EGFLAM: variants seen among roughly 807,000 people sequenced by gnomAD.
The protein encoded by EGFLAM is pikachurin.
Under a neutral mutation model 113.1 loss-of-function variants are expected in EGFLAM, and 79 were observed. The observed-to-expected ratio is 0.70, with a 90% CI of 0.58 to 0.84. The LOEUF (loss-of-function observed/expected upper bound fraction) is 0.84, where lower values mean the gene tolerates loss of function less well. Among genes scored for constraint, EGFLAM ranks in the 40% least tolerant of loss-of-function variants. The pLI is 0.00. For synonymous variants in EGFLAM, 504 were observed against 487.6 expected (o/e 1.03, Z -0.44); for missense variants, 1,265 against 1,291.6 (o/e 0.98, Z 0.32).
In EGFLAM at chr5:38,418,191, G is replaced by A. The variant is rs1453294716; in HGVS notation, c.1620G>A (p.Val540=). ...AAGGCTGTGTGCAGTCGCTCGCTGTGAATGGGAGGAGAATTGACATGAGGC... is the reference window on the plus strand; with the variant it reads ...AAGGCTGTGTGCAGTCGCTCGCTGTAAATGGGAGGAGAATTGACATGAGGC... ...GFQGCVQSLA[V]NGRRIDMRPW... The change falls in exon 12 of 22, where the codon GTG becomes GTA. Residue 540 remains valine, a synonymous_variant. Coordinates refer to ENST00000322350, the MANE Select transcript of EGFLAM (RefSeq NM_152403.4). 6.2e-7 allele frequency: 1 copy of A among 1,614,140 alleles called. No individual in the cohort carries two copies. The highest frequency in any genetic ancestry group is 1.7e-5 in the Admixed American group (1 of 60,026).
At chr5:38,382,510 G>T (rs915285133) in intron 6 of EGFLAM, among the ~76,000 whole-genome samples, 1 of 152,000 alleles carries the variant, frequency 6.6e-6, no homozygotes. Context: ...AAGCAGAGTG[G>T]GCCAGCACCA....
At chr5:38,385,534 AT>A (rs1449822475) in intron 6 of EGFLAM, among the ~76,000 whole-genome samples, 1 of 151,932 alleles carries the variant, frequency 6.6e-6, no homozygotes, top group African/African-American at 2.4e-5. Flanking sequence ...AACCATCCAT[AT>A]TTTTTTCCAA....
At chr5:38,441,691 A>G (rs1742540142) in intron 17 of EGFLAM, among the ~76,000 whole-genome samples, 1 of 152,122 alleles carries the variant, frequency 6.6e-6, no homozygotes, top group Non-Finnish European at 1.5e-5. Context: ...CTGAGTAAAC[A>G]GACAATTCTC....
At chr5:38,347,290 T>C (rs1347827613) in intron 3 of EGFLAM, among the ~76,000 whole-genome samples, 1 of 152,236 alleles carries the variant, frequency 6.6e-6, no homozygotes, top group Non-Finnish European at 1.5e-5. Flanking sequence ...TCAAGAAGCA[T>C]TGCTTGAGCA....
intron 19 of EGFLAM, 63 bp from the exon 20 acceptor site, chr5:38,458,248 C>A: frequency 2.7e-6 from 4 of 1,462,020 alleles, no homozygotes; most frequent in South Asian, 2.6e-5. Context: ...GTCTGTGAAC[C>A]GTGTCTGCTT....
chr5:38,319,438 G>A (rs541630013), intron 1 of EGFLAM, among the ~76,000 whole-genome samples: 5 of 152,208 alleles, frequency 3.3e-5, no homozygotes, highest in Non-Finnish European at 5.9e-5. Context: ...TAGTCAATCA[G>A]GCAGCAAATA....
intron 1 of EGFLAM, among the ~76,000 whole-genome samples, chr5:38,267,555 G>A (rs1757662196): frequency 1.3e-5 from 2 of 152,222 alleles, no homozygotes; most frequent in Admixed American, 1.3e-4. Context: ...TATATTGTCT[G>A]TAATTTATTT....
chr5:38,406,371 G>C (rs1191490515), intron 7 of EGFLAM, 130 bp downstream of exon 7: 12 of 778,348 alleles, frequency 1.5e-5, no homozygotes, highest in Non-Finnish European at 2.5e-5. Context: ...ACACTGATTT[G>C]TTTTGTCTGA....
chr5:38,393,779 A>C, intron 6 of EGFLAM, among the ~76,000 whole-genome samples: 1 of 152,138 alleles, frequency 6.6e-6, no homozygotes, highest in African/African-American at 2.4e-5. Flanking sequence ...GCATGTTACC[A>C]CCAATGCTCT....
At chr5:38,265,295 C>A (rs1561254410) in intron 1 of EGFLAM, among the ~76,000 whole-genome samples, 1 of 152,192 alleles carries the variant, frequency 6.6e-6, no homozygotes, top group Non-Finnish European at 1.5e-5. Flanking sequence ...GACTCAGCAT[C>A]CGAGGCTGAG....
intron 1 of EGFLAM, among the ~76,000 whole-genome samples, chr5:38,324,259 G>T (rs1738820914): frequency 6.6e-6 from 1 of 152,116 alleles, no homozygotes; most frequent in Non-Finnish European, 1.5e-5. Context: ...CAGACCATGT[G>T]CTGTGACTTT....
chr5:38,334,569 CAT>C (rs1267764162), intron 1 of EGFLAM, among the ~76,000 whole-genome samples: 1 of 152,202 alleles, frequency 6.6e-6, no homozygotes, highest in South Asian at 2.1e-4. Context: ...TAGAGTTTAA[CAT>C]ATGAATTTTG....
Position 38,448,315 on chromosome 5 carries a change from A to G in EGFLAM, c.2479A>G (p.Ile827Val). Reference protein sequence around the residue: ...LHCQKAIIEAIEIPQFIGRSY... With the variant: ...LHCQKAIIEAVEIPQFIGRSY... Reference sequence around the variant, plus strand: ...TTCTGTCCCAGCGATCATAGAAGCCATTGAGATCCCGCAGTTTATCGGCCG... The same window carrying G: ...TTCTGTCCCAGCGATCATAGAAGCCGTTGAGATCCCGCAGTTTATCGGCCG... Residue 827 changes from isoleucine to valine, a missense_variant, in exon 18 of 22, where the codon ATT (isoleucine) becomes GTT (valine). Transcript: ENST00000322350. 2 of 1,614,194 alleles carry G rather than the reference A, an allele frequency of 1.2e-6. No homozygotes were observed. Among genetic ancestry groups the G allele is most frequent in the South Asian group, 2.2e-5 (2 of 91,082 alleles).
At chr5:38,384,994 C>A (rs1489143770) in intron 6 of EGFLAM, among the ~76,000 whole-genome samples, 1 of 151,982 alleles carries the variant, frequency 6.6e-6, no homozygotes, top group Non-Finnish European at 1.5e-5. Flanking sequence ...ACAGAACAGC[C>A]CCCTACAATG....
At chr5:38,368,018 G>A (rs1740108325) in intron 5 of EGFLAM, among the ~76,000 whole-genome samples, 1 of 152,156 alleles carries the variant, frequency 6.6e-6, no homozygotes, top group South Asian at 2.1e-4. Flanking sequence ...TTGTTTTGCT[G>A]TAGTTTTTAC....
At chr5:38,440,191 C>A (rs1329026014) in intron 17 of EGFLAM, among the ~76,000 whole-genome samples, 3 of 152,146 alleles carry the variant, frequency 2.0e-5, no homozygotes, top group Non-Finnish European at 4.4e-5. Flanking sequence ...GACTCTTTTC[C>A]TGCAAAGCAG....
intron 1 of EGFLAM, chr5:38,286,370 G>C (rs1191699761): frequency 6.6e-6 from 1 of 152,288 alleles, no homozygotes; most frequent in Non-Finnish European, 1.5e-5. Flanking sequence ...CTCTACAGAA[G>C]GAGGGTTGGA....
intron 11 of EGFLAM, among the ~76,000 whole-genome samples, chr5:38,416,909 T>C (rs960989101): frequency 6.6e-6 from 1 of 152,214 alleles, no homozygotes; most frequent in Non-Finnish European, 1.5e-5. Context: ...TCATTAGATT[T>C]TCCACTTGCT....
chr5:38,407,340 G>C (rs377425257), intron 8 of EGFLAM, among the ~76,000 whole-genome samples, 194 bp downstream of exon 8: 1 of 152,328 alleles, frequency 6.6e-6, no homozygotes, highest in East Asian at 1.9e-4. Context: ...GTAGACAGCA[G>C]CCCTATTTCT....
Sources: gnomAD v4.1 joint callset for allele counts (sites outside exome capture counted in the v4.1 genomes callset) on GRCh38, gnomAD v4.1.1 for gene constraint, MANE v1.5 for transcripts, NCBI Gene and HGNC (gene_info 2026-07-23, HGNC 2026-07-21) for gene names.